Variants in SHISA9 observed in about 807,000 individuals in gnomAD.
SHISA9 encodes shisa family member 9.
A neutral mutation model predicts 38.0 loss-of-function variants in SHISA9; 13 were observed. The observed-to-expected ratio is 0.34, with a 90% CI of 0.22 to 0.54. The LOEUF is 0.54. SHISA9 is among the 20% of genes least tolerant of loss of function. SHISA9 has a pLI of 0.91. For missense variants in SHISA9, 538 were observed against 575.8 expected, an observed-to-expected ratio of 0.93 and a Z score of 0.67; for synonymous variants, 275 against 242.0, an observed-to-expected ratio of 1.14 and a Z score of -1.27.
In SHISA9 at chr16:12,936,125, G is replaced by A. The variant is rs545638493; in HGVS notation, c.691+19310G>A. 5.3e-5 allele frequency among the ~76,000 whole-genome samples: 8 copies of A among 152,228 alleles called. No individual in the cohort carries two copies. The South Asian group carries it at 6.2e-4, about 12-fold the overall frequency. On this transcript the variant is annotated intron_variant, in intron 2 of 4. Transcript: ENST00000558583. Reference sequence around the variant, plus strand: ...TAGATGCATCGTCTGATGTCCCTTCGCTAGCAGGTGCTTCGTTGGGTTCTT... The same window carrying A: ...TAGATGCATCGTCTGATGTCCCTTCACTAGCAGGTGCTTCGTTGGGTTCTT...
intron 2 of SHISA9, among the ~76,000 whole-genome samples, chr16:13,164,245 T>G (rs905157880): frequency 6.6e-6 from 1 of 152,082 alleles, no homozygotes; most frequent in Non-Finnish European, 1.5e-5. Flanking sequence ...TGAAATGATC[T>G]TATGGCTGTT....
At chr16:13,412,721 G>A in the SHISA9 span, among the ~76,000 whole-genome samples, 26 of 152,048 alleles carry the variant, frequency 1.7e-4, no homozygotes, top group Admixed American at 1.4e-3. Context: ...GCTGGGTGTG[G>A]TGGCACACAC....
chr16:13,164,186 T>C (rs1209009923), intron 2 of SHISA9, among the ~76,000 whole-genome samples: 1 of 152,046 alleles, frequency 6.6e-6, no homozygotes, highest in Non-Finnish European at 1.5e-5. Context: ...GAAAGTTTTT[T>C]TATTGGTGAT....
chr16:13,028,562 G>C (rs749520184), intron 2 of SHISA9, among the ~76,000 whole-genome samples: 1 of 152,190 alleles, frequency 6.6e-6, no homozygotes, highest in Non-Finnish European at 1.5e-5. Flanking sequence ...CATGAGAACA[G>C]TATGGGGGAA....
the SHISA9 span, among the ~76,000 whole-genome samples, chr16:13,258,713 A>G: frequency 4.0e-3 from 604 of 152,306 alleles, 6 homozygotes; most frequent in African/African-American, 0.014. Flanking sequence ...AAAAATGAGG[A>G]AGAAGCAAAA....
the SHISA9 span, among the ~76,000 whole-genome samples, chr16:13,373,675 T>A: frequency 6.6e-6 from 1 of 150,692 alleles, no homozygotes; most frequent in East Asian, 2.0e-4. Context: ...CACAGGAGAA[T>A]TGCTTGAACC....
At chr16:13,548,397 A>G in the SHISA9 span, among the ~76,000 whole-genome samples, 3 of 152,230 alleles carry the variant, frequency 2.0e-5, no homozygotes, top group Admixed American at 1.3e-4. Flanking sequence ...TGTACAATGA[A>G]GGAAACAACA....
At chr16:13,381,799 G>A in the SHISA9 span, among the ~76,000 whole-genome samples, 17 of 152,314 alleles carry the variant, frequency 1.1e-4, no homozygotes, top group East Asian at 3.3e-3. Flanking sequence ...CAGGACTTGG[G>A]AAGGTTGGGA....
At chr16:13,488,309 G>A in the SHISA9 span, among the ~76,000 whole-genome samples, 2 of 151,736 alleles carry the variant, frequency 1.3e-5, no homozygotes, top group African/African-American at 4.8e-5. Flanking sequence ...TCTATTTAAG[G>A]ACAGTGTTTT....
At chr16:13,169,713 C>T (rs952917133) in intron 2 of SHISA9, among the ~76,000 whole-genome samples, 13 of 152,104 alleles carry the variant, frequency 8.5e-5, no homozygotes, top group African/African-American at 2.4e-4. Context: ...AGAGCAATGC[C>T]GTCTTTGTAG....
chr16:13,434,435 TGA>T, the SHISA9 span, among the ~76,000 whole-genome samples: 1 of 149,978 alleles, frequency 6.7e-6, no homozygotes, highest in African/African-American at 2.4e-5. Flanking sequence ...TTTTTTTTTT[TGA>T]GATCGAGTTT....
the SHISA9 span, among the ~76,000 whole-genome samples, chr16:13,431,316 C>A: frequency 6.6e-6 from 1 of 152,140 alleles, no homozygotes; most frequent in Non-Finnish European, 1.5e-5. Flanking sequence ...TGGGCAAATA[C>A]TCAGATGGGT....
the SHISA9 span, among the ~76,000 whole-genome samples, chr16:13,291,213 C>T: frequency 6.6e-6 from 1 of 152,096 alleles, no homozygotes; most frequent in South Asian, 2.1e-4. Context: ...CACCGCAAGA[C>T]CCTTTGAAAT....
the SHISA9 span, among the ~76,000 whole-genome samples, chr16:13,383,432 T>C: frequency 1.3e-5 from 2 of 152,202 alleles, no homozygotes; most frequent in African/African-American, 4.8e-5. Context: ...GGAAGAATAG[T>C]ATTCTGCCAT....
At chr16:13,222,250 G>A (rs1228942649) in intron 4 of SHISA9, among the ~76,000 whole-genome samples, 2 of 152,146 alleles carry the variant, frequency 1.3e-5, no homozygotes, top group African/African-American at 4.8e-5. Context: ...TGAGATTTGG[G>A]TGGGGATACA....
At chr16:13,069,448 AC>A (rs1171412505) in intron 2 of SHISA9, among the ~76,000 whole-genome samples, 1 of 150,152 alleles carries the variant, frequency 6.7e-6, no homozygotes, top group Non-Finnish European at 1.5e-5. Flanking sequence ...ATGTGTGTGT[AC>A]ACACAAAGTA....
intron 2 of SHISA9, among the ~76,000 whole-genome samples, chr16:13,092,017 C>T (rs2073779968): frequency 6.6e-6 from 1 of 151,766 alleles, no homozygotes. Flanking sequence ...GATGTTGATG[C>T]TATTCCTTTC....
At chr16:13,547,680 C>G in the SHISA9 span, among the ~76,000 whole-genome samples, 2 of 152,086 alleles carry the variant, frequency 1.3e-5, no homozygotes, top group Non-Finnish European at 2.9e-5. Context: ...GATTCAAATT[C>G]TAATCTCTTT....
At chr16:13,415,993 T>C in the SHISA9 span, among the ~76,000 whole-genome samples, 17 of 152,240 alleles carry the variant, frequency 1.1e-4, no homozygotes, top group East Asian at 3.3e-3. Context: ...GAACAGGAGA[T>C]AAGTGAGGTG....
Sources: allele counts gnomAD v4.1 joint callset (sites outside exome capture counted in the v4.1 genomes callset), GRCh38; gene constraint gnomAD v4.1.1; transcripts MANE v1.5; gene names NCBI Gene and HGNC (gene_info 2026-07-23, HGNC 2026-07-21).